Variants in CNBD1 observed in about 807,000 individuals in gnomAD.
CNBD1 encodes cyclic nucleotide-binding domain-containing protein 1.
In CNBD1, 71 loss-of-function variants were observed where a neutral mutation model predicts 54.4. The observed-to-expected ratio is 1.30, with a 90% confidence interval of 1.08 to 1.59. The LOEUF is 1.59. Among genes scored for constraint, CNBD1 ranks in the 40% most tolerant of loss-of-function variants. CNBD1 has a pLI of 0.00. For missense variants in CNBD1, 659 were observed against 518.0 expected, an observed-to-expected ratio of 1.27 and a Z score of -2.64; for synonymous variants, 182 against 170.7, an observed-to-expected ratio of 1.07 and a Z score of -0.51.
chr8:86,900,350 G>T (rs1275430246), intron 2 of CNBD1, among the ~76,000 whole-genome samples: 1 of 152,100 alleles, frequency 6.6e-6, no homozygotes, highest in African/African-American at 2.4e-5. Flanking sequence ...TTTTAATAAA[G>T]AAATCTTTCT....
intron 8 of CNBD1, among the ~76,000 whole-genome samples, chr8:87,311,522 C>G (rs1342684310): frequency 6.6e-6 from 1 of 152,046 alleles, no homozygotes; most frequent in Non-Finnish European, 1.5e-5. Context: ...AGTTTAGCCA[C>G]TGTGGAAAGC....
At chr8:87,426,147 G>A (rs1049887849) in intron 2 of CNBD1, among the ~76,000 whole-genome samples, 2 of 152,196 alleles carry the variant, frequency 1.3e-5, no homozygotes, top group Admixed American at 1.3e-4. Flanking sequence ...TGTGCTTCCT[G>A]AGTGAGGCAA....
At chr8:87,270,085 G>T (rs1808332200) in intron 6 of CNBD1, among the ~76,000 whole-genome samples, 1 of 151,828 alleles carries the variant, frequency 6.6e-6, no homozygotes, top group South Asian at 2.1e-4. Flanking sequence ...TTTATTCCTG[G>T]GGTACAAGAC....
intron 4 of CNBD1, among the ~76,000 whole-genome samples, chr8:87,013,815 C>T (rs1387313247): frequency 6.6e-6 from 1 of 151,550 alleles, no homozygotes; most frequent in Non-Finnish European, 1.5e-5. Context: ...TTTAATTTCC[C>T]TCTGGCACAC....
chr8:86,914,320 CAGT>C (rs2131817900), intron 3 of CNBD1, among the ~76,000 whole-genome samples: 1 of 152,284 alleles, frequency 6.6e-6, no homozygotes, highest in South Asian at 2.1e-4. Context: ...TGGCTTCAGC[CAGT>C]CCCTCCGTTC....
intron 8 of CNBD1, among the ~76,000 whole-genome samples, chr8:87,330,795 C>T (rs866367535): frequency 6.6e-6 from 1 of 151,738 alleles, no homozygotes; most frequent in Non-Finnish European, 1.5e-5. Flanking sequence ...TCAATTTTAC[C>T]AAATGATTGA....
intron 10 of CNBD1, among the ~76,000 whole-genome samples, chr8:87,371,970 G>A (rs548296777): frequency 2.0e-5 from 3 of 151,910 alleles, no homozygotes; most frequent in Non-Finnish European, 4.4e-5. Flanking sequence ...TCAACATAGT[G>A]TTGGAAGTTC....
chr8:87,369,070 T>A (rs1023405180), intron 10 of CNBD1, among the ~76,000 whole-genome samples: 19 of 152,174 alleles, frequency 1.2e-4, no homozygotes, highest in African/African-American at 4.3e-4. Context: ...CTCAATAATT[T>A]TTTTAATCCA....
At chr8:87,404,650 A>G (rs1807623593) in intron 2 of CNBD1, among the ~76,000 whole-genome samples, 1 of 152,048 alleles carries the variant, frequency 6.6e-6, no homozygotes, top group Non-Finnish European at 1.5e-5. Context: ...GATCTGTAGT[A>G]CCCACAGTGT....
intron 4 of CNBD1, among the ~76,000 whole-genome samples, chr8:86,987,120 A>G (rs1808626822): frequency 2.0e-5 from 3 of 152,176 alleles, no homozygotes; most frequent in Admixed American, 6.6e-5. Context: ...CATTTTAATA[A>G]CATTGATTTT....
rs562393799 is a variant in CNBD1, at chr8:86,909,579, A to G, written c.272+4385A>G. Among the ~76,000 whole-genome samples, 5 of 152,266 alleles carry G rather than the reference A, an allele frequency of 3.3e-5. No individual in the cohort carries two copies. In the East Asian group the frequency reaches 9.7e-4, roughly 29 times the overall value. On this transcript the variant is annotated intron_variant, in intron 3 of 10. Coordinates refer to ENST00000518476, the MANE Select transcript of CNBD1 (RefSeq NM_173538.3). ...TCTAGGGTACATGTGCACAACGTGC[A>G]GGTTTGTTACATATGTATACATGTG...
chr8:86,882,529 G>A (rs1808620583), intron 1 of CNBD1, among the ~76,000 whole-genome samples: 1 of 152,106 alleles, frequency 6.6e-6, no homozygotes, highest in Non-Finnish European at 1.5e-5. Context: ...ACAGATGCTG[G>A]TGAGGTTGTA....
intron 6 of CNBD1, among the ~76,000 whole-genome samples, chr8:87,264,531 G>A (rs1018388860): frequency 6.6e-5 from 10 of 151,848 alleles, no homozygotes; most frequent in African/African-American, 2.4e-4. Context: ...GGATGGCTGG[G>A]TCAAATAGTA....
In CNBD1 at chr8:87,351,680, T is replaced by G; in HGVS notation, c.1043-5T>G. On this transcript the variant is annotated splice_region_variant and splice_polypyrimidine_tract_variant and intron_variant, in intron 8 of 10. Transcript: ENST00000518476. ...TGTGAAATGAACTATCTCTCTTCTTTTCAGTGATAGTGGAAAGTGGAAATA... is the reference window on the plus strand; with the variant it reads ...TGTGAAATGAACTATCTCTCTTCTTGTCAGTGATAGTGGAAAGTGGAAATA... 1 of 1,493,624 alleles carries G rather than the reference T, an allele frequency of 6.7e-7. No individual in the cohort carries two copies. Among genetic ancestry groups the G allele is most frequent in the Non-Finnish European group, 8.9e-7 (1 of 1,125,842 alleles). 92.5% of individuals were successfully genotyped at this position (1,493,624 alleles called of 1,614,324 possible).
intron 3 of CNBD1, among the ~76,000 whole-genome samples, chr8:86,906,375 C>T (rs994903130): frequency 2.6e-5 from 4 of 152,218 alleles, no homozygotes; most frequent in Middle Eastern, 6.8e-3. Context: ...AGTTGCTCTG[C>T]CTTTTCAAGA....
At chr8:87,096,297 A>G (rs902099924) in intron 4 of CNBD1, among the ~76,000 whole-genome samples, 2 of 147,720 alleles carry the variant, frequency 1.4e-5, no homozygotes, top group African/African-American at 2.5e-5. Flanking sequence ...CCTTCTCCCT[A>G]TGTCATCACA....
chr8:87,313,198 C>T (rs943257967), intron 8 of CNBD1, among the ~76,000 whole-genome samples: 1 of 151,870 alleles, frequency 6.6e-6, no homozygotes, highest in African/African-American at 2.4e-5. Flanking sequence ...GCACATACTA[C>T]GTTAATATTT....
rs1359326213 is a variant in CNBD1, at chr8:87,137,115, TATA to T, written c.432-68877_432-68875del. 3.3e-3 allele frequency among the ~76,000 whole-genome samples: 109 copies of T among 33,094 alleles called. 2 individuals are homozygous for T. Among genetic ancestry groups the T allele is most frequent in the African/African-American group, 0.016 (99 of 6,358 alleles). 21.7% of individuals were successfully genotyped at this position (33,094 alleles called of 152,430 possible). ...TATATTATATGTAAATTATATATAT[TATA>T]TTTTTATTATATATAAATTATATAT... On this transcript the variant is annotated intron_variant, in intron 4 of 10. Coordinates refer to ENST00000518476, the MANE Select transcript of CNBD1 (RefSeq NM_173538.3).
chr8:87,031,607 T>C (rs1475922004), intron 4 of CNBD1, among the ~76,000 whole-genome samples: 1 of 152,230 alleles, frequency 6.6e-6, no homozygotes, highest in Non-Finnish European at 1.5e-5. Flanking sequence ...GTTCCTTTTC[T>C]GGGGTTATCT....
Sources: gnomAD v4.1 joint callset for allele counts (sites outside exome capture counted in the v4.1 genomes callset) on GRCh38, gnomAD v4.1.1 for gene constraint, MANE v1.5 for transcripts, NCBI Gene and HGNC (gene_info 2026-07-23, HGNC 2026-07-21) for gene names.